DAB1: variants seen among roughly 807,000 people sequenced by gnomAD.
DAB1 encodes DAB adaptor protein 1.
A neutral mutation model predicts 64.6 loss-of-function variants in DAB1; 15 were observed. The ratio of observed to expected loss-of-function variants is 0.23; its 90% CI spans 0.16 to 0.36. The LOEUF is 0.36. DAB1 is among the 10% of genes least tolerant of loss of function. The pLI is 1.00. For missense variants in DAB1, 596 were observed against 706.7 expected (o/e 0.84, Z 1.78); for synonymous variants, 235 against 251.9 (o/e 0.93, Z 0.64).
chr1:57,920,985 T>C (rs950230813), intron 5 of DAB1, among the ~76,000 whole-genome samples: 4 of 152,178 alleles, frequency 2.6e-5, no homozygotes, highest in Non-Finnish European at 2.9e-5. Flanking sequence ...ATAATACATA[T>C]GTTCAAAGAT....
chr1:58,038,204 T>C (rs752248854), intron 5 of DAB1, among the ~76,000 whole-genome samples: 20 of 152,154 alleles, frequency 1.3e-4, no homozygotes, highest in Non-Finnish European at 2.2e-4. Flanking sequence ...TAGGAGACAA[T>C]TGATGTGGCT....
At chr1:58,477,687 T>C (rs1645432501) in intron 3 of DAB1, among the ~76,000 whole-genome samples, 1 of 152,134 alleles carries the variant, frequency 6.6e-6, no homozygotes, top group African/African-American at 2.4e-5. Flanking sequence ...CTGGCAACCA[T>C]CTGGATATCA....
At chr1:57,767,801 C>A (rs1649381940) in intron 6 of DAB1, among the ~76,000 whole-genome samples, 1 of 152,028 alleles carries the variant, frequency 6.6e-6, no homozygotes, top group Admixed American at 6.6e-5. Context: ...GAAATCAATA[C>A]CCTATGCTTT....
chr1:57,252,147 A>G (rs1341851488), intron 2 of DAB1, among the ~76,000 whole-genome samples: 2 of 152,242 alleles, frequency 1.3e-5, no homozygotes, highest in African/African-American at 4.8e-5. Flanking sequence ...TTTATGTCCA[A>G]TGTAAAGATA....
chr1:57,046,656 C>T (rs565169797), intron 9 of DAB1, among the ~76,000 whole-genome samples: 1 of 152,282 alleles, frequency 6.6e-6, no homozygotes, highest in East Asian at 1.9e-4. Flanking sequence ...ATCTGTATTA[C>T]AGGAATAATG....
At chr1:58,402,192 C>T (rs1056829618) in intron 3 of DAB1, among the ~76,000 whole-genome samples, 1 of 152,148 alleles carries the variant, frequency 6.6e-6, no homozygotes, top group African/African-American at 2.4e-5. Context: ...CCACTCCAGC[C>T]GTATCATTCC....
At chr1:58,502,062 A>G (rs1645915732) in intron 3 of DAB1, among the ~76,000 whole-genome samples, 1 of 152,228 alleles carries the variant, frequency 6.6e-6, no homozygotes. Flanking sequence ...TGACTGATAA[A>G]TACTTGTTGA....
intron 7 of DAB1, among the ~76,000 whole-genome samples, chr1:57,515,694 T>A (rs904285826): frequency 9.2e-5 from 14 of 152,252 alleles, no homozygotes; most frequent in Non-Finnish European, 2.9e-5. Context: ...CCAGTTACCA[T>A]TCATTGCTCC....
intron 5 of DAB1, among the ~76,000 whole-genome samples, chr1:58,114,007 GAGGTCC>G (rs1652155474): frequency 1.3e-5 from 2 of 151,848 alleles, no homozygotes; most frequent in African/African-American, 4.8e-5. Flanking sequence ...AGCACTTTGG[GAGGTCC>G]AGGTGGGCGG....
chr1:58,191,706 C>T (rs542797523), intron 4 of DAB1, among the ~76,000 whole-genome samples: 11 of 152,314 alleles, frequency 7.2e-5, no homozygotes, highest in African/African-American at 1.9e-4. Flanking sequence ...ATAACAACTA[C>T]GACACCCACC....
intron 1 of DAB1, chr1:58,536,724 C>A (rs763633797): frequency 2.3e-6 from 2 of 872,526 alleles, no homozygotes; most frequent in South Asian, 2.6e-5. Flanking sequence ...AAGTGCCTGC[C>A]ACCATTTCCT....
intron 4 of DAB1, among the ~76,000 whole-genome samples, chr1:58,265,943 G>A (rs1051815249): frequency 2.6e-5 from 4 of 152,088 alleles, no homozygotes; most frequent in African/African-American, 7.2e-5. Context: ...GCCACAGAGA[G>A]CCAAATACTA....
chr1:57,291,742 G>A (rs1003806834), intron 1 of DAB1, among the ~76,000 whole-genome samples: 1 of 152,154 alleles, frequency 6.6e-6, no homozygotes, highest in African/African-American at 2.4e-5. Flanking sequence ...GAGCAGACAA[G>A]CATTTAATGT....
At chr1:57,704,656 G>T (rs1217894357) in intron 6 of DAB1, among the ~76,000 whole-genome samples, 1 of 152,248 alleles carries the variant, frequency 6.6e-6, no homozygotes, top group Admixed American at 6.5e-5. Context: ...GGATGCATTT[G>T]GTAGAAGAGC....
At chr1:58,250,516 C>T (rs1373674614) in intron 4 of DAB1, among the ~76,000 whole-genome samples, 1 of 152,236 alleles carries the variant, frequency 6.6e-6, no homozygotes, top group Non-Finnish European at 1.5e-5. Flanking sequence ...CGGCTCTCTG[C>T]AGGCCACATC....
intron 1 of DAB1, among the ~76,000 whole-genome samples, chr1:57,365,995 A>T (rs1679966826): frequency 6.6e-6 from 1 of 152,174 alleles, no homozygotes; most frequent in Admixed American, 6.5e-5. Flanking sequence ...ATATCTCCTG[A>T]TATATACAAT....
At chr1:57,801,325 C>T (rs754714482) in intron 6 of DAB1, among the ~76,000 whole-genome samples, 15 of 152,216 alleles carry the variant, frequency 9.9e-5, no homozygotes, top group Non-Finnish European at 1.0e-4. Context: ...AGGTTATCCA[C>T]GGGTATGTAA....
chr1:58,052,528 G>C (rs1647747157), intron 5 of DAB1, among the ~76,000 whole-genome samples: 1 of 152,136 alleles, frequency 6.6e-6, no homozygotes, highest in Non-Finnish European at 1.5e-5. Flanking sequence ...GGCAATGCAG[G>C]CTCTTTTTTG....
chr1:58,324,196 A>G (rs892595009), intron 4 of DAB1, among the ~76,000 whole-genome samples: 1 of 152,150 alleles, frequency 6.6e-6, no homozygotes, highest in Non-Finnish European at 1.5e-5. Context: ...ATTGTATTAT[A>G]ATAGCCTCGC....
Sources: gnomAD v4.1 joint callset for allele counts (sites outside exome capture counted in the v4.1 genomes callset) on GRCh38, gnomAD v4.1.1 for gene constraint, MANE v1.5 for transcripts, NCBI Gene and HGNC (gene_info 2026-07-23, HGNC 2026-07-21) for gene names.